TENM4: variants seen among roughly 807,000 people sequenced by gnomAD.
TENM4 encodes teneurin transmembrane protein 4, also known as teneurin-4.
A neutral mutation model predicts 243.3 loss-of-function variants in TENM4; 82 were observed. The ratio of observed to expected loss-of-function variants is 0.34; its 90% CI spans 0.28 to 0.40. The LOEUF (loss-of-function observed/expected upper bound fraction) is 0.40. Ranked by LOEUF, TENM4 falls within the 10% of genes least tolerant of loss-of-function variation. TENM4 has a pLI of 1.00. For missense variants in TENM4, 3,138 were observed against 3,673.3 expected (o/e 0.85, Z 3.77); for synonymous variants, 1,412 against 1,456.3 (o/e 0.97, Z 0.69).
At chr11:78,948,174 A>G (rs1251617386) in intron 6 of TENM4, among the ~76,000 whole-genome samples, 2 of 152,188 alleles carry the variant, frequency 1.3e-5, no homozygotes, top group Non-Finnish European at 2.9e-5. Context: ...ATATTGCCAC[A>G]TTACTTCATC....
intron 17 of TENM4, among the ~76,000 whole-genome samples, chr11:78,775,763 G>A (rs972886883): frequency 6.6e-6 from 1 of 152,158 alleles, no homozygotes; most frequent in Non-Finnish European, 1.5e-5. Flanking sequence ...CTCACACCAG[G>A]CATTTGCTAG....
chr11:78,862,927 G>C (rs1267141894), intron 10 of TENM4, 35 bp downstream of exon 10: 2 of 1,378,772 alleles, frequency 1.5e-6, no homozygotes, highest in East Asian at 5.5e-5. Flanking sequence ...GGCAGACACA[G>C]AGGACTCACA....
At chr11:79,142,574 T>C (rs1435953014) in intron 4 of TENM4, among the ~76,000 whole-genome samples, 1 of 152,128 alleles carries the variant, frequency 6.6e-6, no homozygotes, top group African/African-American at 2.4e-5. Context: ...AATCCACAGA[T>C]TGAATGCAAT....
chr11:78,910,495 C>G (rs1004970358), intron 6 of TENM4, among the ~76,000 whole-genome samples: 1 of 152,238 alleles, frequency 6.6e-6, no homozygotes, highest in Non-Finnish European at 1.5e-5. Flanking sequence ...TCTTTATCAA[C>G]ACAGTCAGCA....
chr11:79,177,582 T>C (rs1280624043), intron 3 of TENM4, among the ~76,000 whole-genome samples: 1 of 151,936 alleles, frequency 6.6e-6, no homozygotes, highest in Non-Finnish European at 1.5e-5. Context: ...ACATGTTAGG[T>C]GATGATCAAT....
intron 6 of TENM4, among the ~76,000 whole-genome samples, chr11:79,038,852 G>T (rs917237882): frequency 4.6e-5 from 7 of 152,218 alleles, no homozygotes; most frequent in African/African-American, 1.7e-4. Flanking sequence ...AAAGAGCCAG[G>T]GAAGGGAAAG....
chr11:79,271,778 T>C (rs1855973956), intron 2 of TENM4, among the ~76,000 whole-genome samples: 1 of 152,234 alleles, frequency 6.6e-6, no homozygotes, highest in Non-Finnish European at 1.5e-5. Flanking sequence ...TGGTGGCCTC[T>C]GGCCTGGGAC....
chr11:79,155,012 C>A (rs1254087260), intron 3 of TENM4, among the ~76,000 whole-genome samples: 3 of 152,146 alleles, frequency 2.0e-5, no homozygotes, highest in Admixed American at 6.5e-5. Flanking sequence ...GTCAGCTCGA[C>A]CCTCCCTTCT....
At chr11:78,855,517 G>A (rs961194217) in intron 11 of TENM4, among the ~76,000 whole-genome samples, 2 of 152,158 alleles carry the variant, frequency 1.3e-5, no homozygotes, top group East Asian at 1.9e-4. Context: ...CCTTATAAAT[G>A]TTATTCTTCT....
At chr11:78,755,215 A>C (rs1856278775) in intron 19 of TENM4, among the ~76,000 whole-genome samples, 1 of 151,908 alleles carries the variant, frequency 6.6e-6, no homozygotes, top group African/African-American at 2.4e-5. Context: ...CCCAGGCTGG[A>C]GTGCAGTGGG....
At chr11:79,128,814 A>G (rs1256528719) in intron 4 of TENM4, among the ~76,000 whole-genome samples, 3 of 152,236 alleles carry the variant, frequency 2.0e-5, no homozygotes, top group Non-Finnish European at 4.4e-5. Context: ...GGGGTGTAGC[A>G]AATGGTCTGG....
At chr11:78,868,490 T>C (rs796473786) in intron 9 of TENM4, among the ~76,000 whole-genome samples, 26 of 152,320 alleles carry the variant, frequency 1.7e-4, no homozygotes, top group African/African-American at 5.8e-4. Context: ...CTGATTCTCT[T>C]GGCTCTGGTC....
intron 9 of TENM4, among the ~76,000 whole-genome samples, chr11:78,877,796 C>G (rs191792395): frequency 6.6e-6 from 1 of 152,234 alleles, no homozygotes; most frequent in Non-Finnish European, 1.5e-5. Context: ...AAATTCAACA[C>G]ATCTTGTTTG....
At chr11:79,435,843 G>C (rs1423405111) in intron 1 of TENM4, among the ~76,000 whole-genome samples, 2 of 151,964 alleles carry the variant, frequency 1.3e-5, no homozygotes, top group Non-Finnish European at 2.9e-5. Flanking sequence ...TCCCTTATTT[G>C]TAACTTTTGA....
intron 3 of TENM4, among the ~76,000 whole-genome samples, chr11:79,176,462 T>C (rs747413795): frequency 1.3e-5 from 2 of 152,236 alleles, no homozygotes; most frequent in African/African-American, 2.4e-5. Flanking sequence ...ATTGACTACA[T>C]GTTATTAATA....
intron 3 of TENM4, among the ~76,000 whole-genome samples, chr11:79,185,084 G>A (rs1863357184): frequency 1.3e-5 from 2 of 152,128 alleles, no homozygotes; most frequent in African/African-American, 4.8e-5. Context: ...GATCGCTTGA[G>A]CCCAGGAGTT....
At chr11:79,163,967 C>CTA (rs1218684129) in intron 3 of TENM4, among the ~76,000 whole-genome samples, 1 of 133,160 alleles carries the variant, frequency 7.5e-6, no homozygotes, top group Non-Finnish European at 1.5e-5. Flanking sequence ...ATCTATATAT[C>CTA]TATATATAGT....
intron 28 of TENM4, among the ~76,000 whole-genome samples, chr11:78,692,620 G>T (rs1301757137): frequency 6.6e-6 from 1 of 152,130 alleles, no homozygotes; most frequent in Admixed American, 6.5e-5. Flanking sequence ...TAGAGTGTGT[G>T]GCATATAGCA....
intron 3 of TENM4, among the ~76,000 whole-genome samples, chr11:79,200,790 G>A (rs188296376): frequency 1.3e-5 from 2 of 152,328 alleles, no homozygotes; most frequent in African/African-American, 4.8e-5. Flanking sequence ...CGTTTTGCCT[G>A]TCACTAGTAG....
Sources: allele counts gnomAD v4.1 joint callset (sites outside exome capture counted in the v4.1 genomes callset), GRCh38; gene constraint gnomAD v4.1.1; transcripts MANE v1.5; gene names NCBI Gene and HGNC (gene_info 2026-07-23, HGNC 2026-07-21).